The following PSKH2 variants were observed in gnomAD, a reference collection of about 807,000 sequenced individuals.
PSKH2 encodes the protein protein serine kinase H2.
PSKH2 carries 16 observed loss-of-function variants against 22.5 expected under a neutral mutation model. That is an observed-to-expected ratio of 0.71 (90% CI 0.48 to 1.08). The LOEUF is 1.08. Among genes scored for constraint, PSKH2 ranks in the 50% least tolerant of loss-of-function variants. PSKH2 has a pLI of 0.00. For missense variants in PSKH2, 516 were observed against 492.8 expected, an observed-to-expected ratio of 1.05 and a Z score of -0.44; for synonymous variants, 188 against 184.8, an observed-to-expected ratio of 1.02 and a Z score of -0.14.
intron 1 of PSKH2, among the ~76,000 whole-genome samples, chr8:86,067,305 C>T (rs1330112941): frequency 6.6e-6 from 1 of 151,824 alleles, no homozygotes; most frequent in East Asian, 1.9e-4. Context: ...GAGTCCTCAA[C>T]TGCCATGAAT....
At position 86,048,737 on chromosome 8, in the gene PSKH2, C is replaced by A; in HGVS notation, c.883G>T (p.Asp295Tyr). Reference protein sequence around the residue: ...PWPSISHLAKDFIDKLLILEA... With the variant: ...PWPSISHLAKYFIDKLLILEA... Reference sequence around the variant, plus strand: ...AAAATCAGTAGTTTGTCTATAAAGTCCTTCGCCAAGTGGGAAATGCTTGGC... The same window carrying A: ...AAAATCAGTAGTTTGTCTATAAAGTACTTCGCCAAGTGGGAAATGCTTGGC... Residue 295 changes from aspartate to tyrosine, a missense_variant, in exon 3 of 3, where the codon GAC becomes TAC. Asp to Tyr is a radical substitution (Grantham distance 160). Transcript: ENST00000276616. The A allele has an allele frequency of 6.2e-7, 1 of 1,610,410 alleles. No homozygotes were observed. Among genetic ancestry groups the A allele is most frequent in the Non-Finnish European group, 8.5e-7 (1 of 1,177,418 alleles).
In PSKH2 at chr8:86,069,494, C is replaced by G. The variant is rs778814889; in HGVS notation, c.129G>C (p.Ala43=). ...GPGPEAAAQA[A]QRIQVARFRA... ...GGAAGCGAGCCACCTGTATCCTCTG[C>G]GCCGCCTGGGCCGCCGCCTCGGGCC... Residue 43 remains alanine (A), a synonymous_variant, in exon 1 of 3, where the codon GCG becomes GCC. Coordinates refer to ENST00000276616, the MANE Select transcript of PSKH2 (RefSeq NM_033126.3). The G allele has an allele frequency of 1.3e-5, 21 of 1,609,338 alleles. No homozygotes were observed. The highest frequency in any genetic ancestry group is 1.7e-5 in the Non-Finnish European group (20 of 1,178,644).
At chr8:86,065,866 G>A (rs1395010523) in intron 1 of PSKH2, among the ~76,000 whole-genome samples, 4 of 151,902 alleles carry the variant, frequency 2.6e-5, no homozygotes, top group Non-Finnish European at 5.9e-5. Flanking sequence ...GCTACTGAGG[G>A]GACTGAAGCA....
chr8:86,048,663 C>G lies in PSKH2; in HGVS notation c.957G>C (p.Trp319Cys). 6.2e-7 allele frequency: 1 copy of G among 1,614,104 alleles called. No homozygotes were observed. The highest frequency in any genetic ancestry group is 8.5e-7 in the Non-Finnish European group (1 of 1,180,022). ...MSAGQALDHP[W>C]VITMAAGSSM... ...AAGACCCTGCAGCCATGGTGATCAC[C>G]CAGGGATGGTCCAGGGCCTGGCCAG... The change falls in exon 3 of 3, where the codon TGG becomes TGC. Residue 319 changes from tryptophan (W) to cysteine (C), a missense_variant. Trp to Cys is a radical substitution (Grantham distance 215). Coordinates refer to ENST00000276616, the MANE Select transcript of PSKH2 (RefSeq NM_033126.3).
At chr8:86,062,144 A>G (rs1476437492) in intron 2 of PSKH2, among the ~76,000 whole-genome samples, 16 of 152,202 alleles carry the variant, frequency 1.1e-4, no homozygotes, top group Non-Finnish European at 2.4e-4. Context: ...TACACAGTTT[A>G]TATCCTGCTT....
At position 86,048,453 on chromosome 8, in the gene PSKH2, G is replaced by T. The variant is rs1451432789; in HGVS notation, c.*9C>A. ...AAAATAGGCAAAAATAGTTTTAGAG[G>T]TCATCTGCTTACAAAAGCGCAGACA... On this transcript the variant is annotated 3_prime_UTR_variant, in exon 3 of 3. Transcript: ENST00000276616. The T allele has an allele frequency of 4.4e-6, 7 of 1,604,836 alleles. No individual in the cohort carries two copies. Among genetic ancestry groups the T allele is most frequent in the Admixed American group, 1.7e-5 (1 of 59,588 alleles).
At chr8:86,048,925 G>A (rs537260762) in intron 2 of PSKH2, among the ~76,000 whole-genome samples, 158 bp from the exon 3 acceptor site, 3 of 152,124 alleles carry the variant, frequency 2.0e-5, no homozygotes, top group Admixed American at 6.5e-5. Flanking sequence ...CATATATAGA[G>A]GAACTAAACC....
intron 2 of PSKH2, among the ~76,000 whole-genome samples, chr8:86,049,745 A>AC (rs1491543037): frequency 0.026 from 674 of 26,410 alleles, 5 homozygotes; most frequent in East Asian, 0.064. Context: ...AAAGAAAGAA[A>AC]GAAACGAAAG....
At position 86,064,043 on chromosome 8, in the gene PSKH2, T is replaced by A; in HGVS notation, c.774A>T (p.Gly258=). 1 of 1,614,128 alleles carries A rather than the reference T, an allele frequency of 6.2e-7. No individual in the cohort carries two copies. The highest frequency in any genetic ancestry group is 1.7e-5 in the Admixed American group (1 of 60,012). The part of the protein sequence containing the change: ...LGVITYALLS[G]FLPFDDESQT... ...GGCTTTCATCATCAAAAGGCAGGAA[T>A]CCGCTAAGTAAAGCATATGTGATCA... The change falls in exon 2 of 3, where the codon GGA becomes GGT. Residue 258 remains glycine (G), a synonymous_variant. Coordinates refer to ENST00000276616, the MANE Select transcript of PSKH2 (RefSeq NM_033126.3).
chr8:86,053,512 G>T (rs534610042), intron 2 of PSKH2, among the ~76,000 whole-genome samples: 1 of 152,250 alleles, frequency 6.6e-6, no homozygotes, highest in East Asian at 1.9e-4. Context: ...CATGGAGATT[G>T]GTGGTGCCTC....
intron 2 of PSKH2, among the ~76,000 whole-genome samples, chr8:86,056,188 A>G (rs1435465872): frequency 1.3e-5 from 2 of 152,078 alleles, no homozygotes; most frequent in African/African-American, 4.8e-5. Context: ...GCTACTCAGA[A>G]AGCAGAGGTG....
At chr8:86,061,162 C>A (rs1278236214) in intron 2 of PSKH2, among the ~76,000 whole-genome samples, 1 of 152,088 alleles carries the variant, frequency 6.6e-6, no homozygotes, top group African/African-American at 2.4e-5. Context: ...ATAAGGCCTA[C>A]CCTCTGTGGC....
chr8:86,054,767 T>C (rs1817677620), intron 2 of PSKH2, among the ~76,000 whole-genome samples: 1 of 152,186 alleles, frequency 6.6e-6, no homozygotes, highest in South Asian at 2.1e-4. Context: ...AATCTTACAC[T>C]AGGCTCATAA....
At chr8:86,049,692 AAG>A (rs1817586858) in intron 2 of PSKH2, among the ~76,000 whole-genome samples, 1 of 17,018 alleles carries the variant, frequency 5.9e-5, no homozygotes, top group Non-Finnish European at 1.2e-4. Context: ...GAAAGAAAGA[AAG>A]AAAGAAAGAA....
intron 2 of PSKH2, among the ~76,000 whole-genome samples, chr8:86,051,970 A>G (rs2130143328): frequency 6.6e-6 from 1 of 152,356 alleles, no homozygotes; most frequent in South Asian, 2.1e-4. Context: ...AAGGGCAGCT[A>G]CAGAAAGAAA....
rs571389706 is a variant in PSKH2 at position 86,048,916 on chromosome 8, A to C, written c.853-149T>G. The C allele has an allele frequency of 6.1e-5, 37 of 606,102 alleles. No homozygotes were observed. In the African/African-American group the frequency reaches 6.8e-4, roughly 11 times the overall value. 37.5% of individuals were successfully genotyped at this position (606,102 alleles called of 1,614,324 possible). A position where few individuals can be genotyped will look rare whatever the true frequency, so the allele number is the denominator to read the frequency against. On this transcript the variant is annotated intron_variant, in intron 2 of 2. Transcript: ENST00000276616. ...AGCAGTTTTAATACTGTGTCATTAC[A>C]TATATAGAGGAACTAAACCACTTTT...
In PSKH2 at chr8:86,069,563, C is replaced by T. The variant is rs372807401; in HGVS notation, c.60G>A (p.Lys20=). ...VPGPPALAWA[K]HEGQNQAGVG... ...CGCCGGCTTGGTTTTGACCTTCGTGCTTGGCCCAAGCCAGCGCTGGTGGCC... is the reference window on the plus strand; with the variant it reads ...CGCCGGCTTGGTTTTGACCTTCGTGTTTGGCCCAAGCCAGCGCTGGTGGCC... Residue 20 remains lysine, a synonymous_variant, in exon 1 of 3, where the codon AAG becomes AAA. Transcript: ENST00000276616. 1 of 1,607,534 alleles carries T rather than the reference C, an allele frequency of 6.2e-7. No individual in the cohort carries two copies. Among genetic ancestry groups the T allele is most frequent in the Non-Finnish European group, 8.5e-7 (1 of 1,178,074 alleles).
At chr8:86,055,666 G>T (rs1258510966) in intron 2 of PSKH2, among the ~76,000 whole-genome samples, 1 of 152,136 alleles carries the variant, frequency 6.6e-6, no homozygotes, top group African/African-American at 2.4e-5. Flanking sequence ...TTCATTCCAA[G>T]AATTCTAGTC....
At chr8:86,057,132 C>A (rs964700119) in intron 2 of PSKH2, among the ~76,000 whole-genome samples, 3 of 151,902 alleles carry the variant, frequency 2.0e-5, no homozygotes, top group African/African-American at 7.3e-5. Flanking sequence ...TTATGTTGCC[C>A]AGGCTGGCCT....
Sources: gnomAD v4.1 joint callset for allele counts (sites outside exome capture counted in the v4.1 genomes callset) on GRCh38, gnomAD v4.1.1 for gene constraint, MANE v1.5 for transcripts, NCBI Gene and HGNC (gene_info 2026-07-23, HGNC 2026-07-21) for gene names.